The following AR variants were observed in gnomAD, a reference collection of about 807,000 sequenced individuals.
The protein encoded by AR is androgen receptor.
Under a neutral mutation model 53.9 loss-of-function variants are expected in AR, and 8 were observed. That is an observed-to-expected ratio of 0.15 (90% confidence interval 0.09 to 0.27). The LOEUF (loss-of-function observed/expected upper bound fraction) is 0.27, where lower values mean the gene tolerates loss of function less well. Ranked by LOEUF, AR falls within the 10% of genes least tolerant of loss-of-function variation. The pLI, the probability that AR is intolerant of heterozygous loss-of-function variation, is 1.00. For missense variants in AR, 639 were observed against 742.5 expected (o/e 0.86, Z 1.62); for synonymous variants, 359 against 316.4 (o/e 1.13, Z -1.43).
chrX:67,715,822 G>A (rs1380691929), intron 4 of AR, among the ~76,000 whole-genome samples: 1 of 112,072 alleles, frequency 8.9e-6, no homozygotes, highest in Non-Finnish European at 1.9e-5. Flanking sequence ...TAAATTTGGG[G>A]AAGCATTCCT....
At chrX:67,602,324 C>T (rs890449574) in intron 1 of AR, among the ~76,000 whole-genome samples, 1 of 111,506 alleles carries the variant, frequency 9.0e-6, no homozygotes, top group Admixed American at 9.6e-5. Flanking sequence ...CTGTGGTGGG[C>T]AGAATTCTAG....
At position 67,545,948 on chromosome X, in the gene AR, A is replaced by T. The variant is rs1469914767; in HGVS notation, c.802A>T (p.Met268Leu). Reference protein sequence around the residue: ...SPGEQLRGDCMYAPLLGVPPA... With the variant: ...SPGEQLRGDCLYAPLLGVPPA... ...AGGGGAACAGCTTCGGGGGGATTGC[A>T]TGTACGCCCCACTTTTGGGAGTTCC... The change falls in exon 1 of 8, where the codon ATG becomes TTG. Residue 268 changes from methionine to leucine, a missense_variant. Transcript: ENST00000374690. 2.5e-6 allele frequency: 3 copies of T among 1,210,765 alleles called. No individual in the cohort carries two copies. The highest frequency in any genetic ancestry group is 3.4e-6 in the Non-Finnish European group (3 of 895,338).
At chrX:67,695,138 C>T in intron 3 of AR, 2 of 762,146 alleles carry the variant, frequency 2.6e-6, no homozygotes, top group Non-Finnish European at 3.1e-6. Context: ...AGAAACTTTG[C>T]TGATGGGACT....
intron 1 of AR, among the ~76,000 whole-genome samples, chrX:67,594,440 A>G (rs929585901): frequency 8.9e-6 from 1 of 112,493 alleles, no homozygotes; most frequent in African/African-American, 3.2e-5. Flanking sequence ...AAATGAAAAT[A>G]TTACTTTTAT....
intron 1 of AR, among the ~76,000 whole-genome samples, chrX:67,549,672 G>A (rs1208436163): frequency 9.0e-6 from 1 of 111,660 alleles, no homozygotes; most frequent in Admixed American, 9.5e-5. Flanking sequence ...ATTTATTCTT[G>A]GGAGTTGGGT....
Position 67,646,576 on chromosome X carries a change from T to G in AR, c.1768+3169T>G, listed in dbSNP as rs1181616220. ...GGAGTGGGTAGGATGAGTGGGGTGG[T>G]GAAAGGGAAGGCATTTTGGATGCTA... is the stretch of plus-strand genomic sequence containing the variant. On this transcript the variant is annotated intron_variant, in intron 2 of 7. Coordinates refer to ENST00000374690, the MANE Select transcript of AR (RefSeq NM_000044.6). Among the ~76,000 whole-genome samples the G allele has an allele frequency of 8.3e-5, 9 of 108,875 alleles. No individual in the cohort carries two copies. In the Admixed American group the frequency reaches 9.0e-4, roughly 11 times the overall value. 94.5% of individuals were successfully genotyped at this position (108,875 alleles called of 115,157 possible).
intron 1 of AR, among the ~76,000 whole-genome samples, chrX:67,640,603 C>T (rs1191877883): frequency 9.0e-6 from 1 of 110,807 alleles, no homozygotes; most frequent in African/African-American, 3.3e-5. Flanking sequence ...TTTATTTGCC[C>T]CAGAGGTGTT....
At chrX:67,564,589 G>A (rs892928683) in intron 1 of AR, among the ~76,000 whole-genome samples, 5 of 111,627 alleles carry the variant, frequency 4.5e-5, no homozygotes, top group African/African-American at 1.6e-4. Context: ...AATACCTTCT[G>A]ATAGTTATTT....
At chrX:67,603,081 C>T (rs1208031966) in intron 1 of AR, among the ~76,000 whole-genome samples, 1 of 111,306 alleles carries the variant, frequency 9.0e-6, no homozygotes. Context: ...TATACAAATC[C>T]TTTGATACAC....
At chrX:67,630,629 G>A (rs1925032068) in intron 1 of AR, among the ~76,000 whole-genome samples, 1 of 110,482 alleles carries the variant, frequency 9.1e-6, no homozygotes, top group African/African-American at 3.3e-5. Context: ...GGAGCATTTA[G>A]TCCATTTACA....
intron 4 of AR, among the ~76,000 whole-genome samples, chrX:67,712,976 A>T (rs1461892937): frequency 9.0e-6 from 1 of 111,528 alleles, no homozygotes. Flanking sequence ...TGTGAGAATG[A>T]TGTGATTGGC....
intron 1 of AR, among the ~76,000 whole-genome samples, chrX:67,558,747 G>T (rs1462558340): frequency 8.9e-6 from 1 of 112,365 alleles, no homozygotes; most frequent in Non-Finnish European, 1.9e-5. Context: ...GCAATTCAAT[G>T]CCTGCTTAAA....
intron 2 of AR, 143 bp downstream of exon 2, chrX:67,643,550 G>A: frequency 1.1e-6 from 1 of 878,162 alleles, no homozygotes; most frequent in Non-Finnish European, 1.6e-6. Context: ...AGGAGCCTAA[G>A]GAAGCAAATT....
intron 3 of AR, among the ~76,000 whole-genome samples, chrX:67,689,220 C>G (rs1385681119): frequency 9.0e-6 from 1 of 111,217 alleles, no homozygotes; most frequent in Non-Finnish European, 1.9e-5. Context: ...TTCCCTGCTC[C>G]CAGAAGTATA....
chrX:67,707,666 T>C (rs1289517473), intron 3 of AR, among the ~76,000 whole-genome samples: 2 of 112,099 alleles, frequency 1.8e-5, no homozygotes, highest in Non-Finnish European at 3.8e-5. Flanking sequence ...TTGTTATATG[T>C]GAATTTGATC....
At chrX:67,707,142 G>T (rs2076071924) in intron 3 of AR, among the ~76,000 whole-genome samples, 2 of 111,816 alleles carry the variant, frequency 1.8e-5, no homozygotes, top group Admixed American at 1.9e-4. Flanking sequence ...GGGGTGGAGA[G>T]TTCTGTATAA....
chrX:67,617,508 G>A (rs149872434), intron 1 of AR, among the ~76,000 whole-genome samples: 5 of 111,415 alleles, frequency 4.5e-5, no homozygotes, highest in Middle Eastern at 9.2e-3. Context: ...AAGCTGTTAC[G>A]TTAAAGAACC....
intron 2 of AR, among the ~76,000 whole-genome samples, chrX:67,645,454 A>G (rs978038573): frequency 2.3e-4 from 26 of 110,796 alleles, no homozygotes; most frequent in Non-Finnish European, 4.9e-4. Context: ...AAGAAAAGAA[A>G]TGAGGTTTTG....
At position 67,727,423 on chromosome X, in the gene AR, C is replaced by A. The variant is rs999123861; in HGVS notation, c.*3582C>A. Reference sequence around the variant, plus strand: ...GCTAGAGTCCCTCTCTGTCCATACTCTACTTCTAAATACATATAGGCATAC... The same window carrying A: ...GCTAGAGTCCCTCTCTGTCCATACTATACTTCTAAATACATATAGGCATAC... On this transcript the variant is annotated 3_prime_UTR_variant, in exon 8 of 8. Transcript: ENST00000374690. 4.7e-5 allele frequency: 8 copies of A among 170,111 alleles called. No individual in the cohort carries two copies. Among genetic ancestry groups the A allele is most frequent in the African/African-American group, 2.4e-4 (8 of 33,736 alleles). 14.0% of individuals were successfully genotyped at this position (170,111 alleles called of 1,213,427 possible).
Sources: allele counts gnomAD v4.1 joint callset (sites outside exome capture counted in the v4.1 genomes callset), GRCh38; gene constraint gnomAD v4.1.1; transcripts MANE v1.5; gene names NCBI Gene and HGNC (gene_info 2026-07-23, HGNC 2026-07-21).